Variants in MGAT4C observed in about 807,000 individuals in gnomAD.
MGAT4C encodes alpha-1,3-mannosyl-glycoprotein 4-beta-N-acetylglucosaminyltransferase C.
MGAT4C carries 19 observed loss-of-function variants against 40.1 expected under a neutral mutation model. That is an observed-to-expected ratio of 0.47 (90% CI 0.33 to 0.70). The LOEUF is 0.70. Among genes scored for constraint, MGAT4C ranks in the 30% least tolerant of loss-of-function variants. The pLI is 0.02. For missense variants in MGAT4C, 491 were observed against 563.2 expected, an observed-to-expected ratio of 0.87 and a Z score of 1.30; for synonymous variants, 181 against 187.1, an observed-to-expected ratio of 0.97 and a Z score of 0.27.
intron 4 of MGAT4C, among the ~76,000 whole-genome samples, chr12:86,269,025 TATA>T (rs1952871933): frequency 3.4e-5 from 2 of 59,690 alleles, no homozygotes; most frequent in African/African-American, 1.1e-4. Context: ...TATATATATA[TATA>T]TATATATATA....
intron 2 of MGAT4C, among the ~76,000 whole-genome samples, chr12:86,036,483 G>A (rs1891251297): frequency 6.7e-6 from 1 of 149,998 alleles, no homozygotes; most frequent in Non-Finnish European, 1.5e-5. Flanking sequence ...TCAATACCTA[G>A]TTTATTGGGA....
At chr12:86,653,552 A>G (rs910034309) in intron 2 of MGAT4C, among the ~76,000 whole-genome samples, 3 of 151,926 alleles carry the variant, frequency 2.0e-5, no homozygotes, top group Non-Finnish European at 4.4e-5. Context: ...ACCTGCTAAA[A>G]TTTGGATGTG....
At chr12:86,057,929 T>C (rs982887034) in intron 1 of MGAT4C, among the ~76,000 whole-genome samples, 1 of 152,176 alleles carries the variant, frequency 6.6e-6, no homozygotes. Context: ...GGCAGTTGTT[T>C]CTGGATGTCT....
chr12:86,752,952 A>G (rs548558972), intron 1 of MGAT4C, among the ~76,000 whole-genome samples: 1 of 152,296 alleles, frequency 6.6e-6, no homozygotes, highest in Non-Finnish European at 1.5e-5. Context: ...TAAAACTTCT[A>G]GAGGAAACAT....
intron 2 of MGAT4C, among the ~76,000 whole-genome samples, chr12:86,475,949 G>A (rs1051858338): frequency 2.6e-5 from 4 of 151,740 alleles, no homozygotes; most frequent in Admixed American, 6.6e-5. Flanking sequence ...TATTTAAGGT[G>A]TACAACATGA....
chr12:86,346,577 G>A (rs974480161), intron 3 of MGAT4C, among the ~76,000 whole-genome samples: 1 of 152,108 alleles, frequency 6.6e-6, no homozygotes. Context: ...CTATTCACCT[G>A]TTGAAATACA....
At chr12:86,229,888 C>T (rs1951244752) in intron 1 of MGAT4C, among the ~76,000 whole-genome samples, 1 of 151,982 alleles carries the variant, frequency 6.6e-6, no homozygotes. Context: ...GATGTCCTTT[C>T]AGTATGAGCA....
At chr12:86,164,289 A>T (rs191186817) in intron 1 of MGAT4C, among the ~76,000 whole-genome samples, 1 of 152,196 alleles carries the variant, frequency 6.6e-6, no homozygotes, top group Admixed American at 6.5e-5. Flanking sequence ...GGTAAAGGTA[A>T]GTTGCCAGCA....
chr12:86,106,824 AGGACCATGCTT>A (rs1565990602), intron 1 of MGAT4C, among the ~76,000 whole-genome samples: 1 of 152,314 alleles, frequency 6.6e-6, no homozygotes, highest in South Asian at 2.1e-4. Context: ...TCTGCTAAGT[AGGACCATGCTT>A]GATGTTGTAT....
intron 2 of MGAT4C, among the ~76,000 whole-genome samples, chr12:86,532,806 T>C (rs2136374716): frequency 6.6e-6 from 1 of 152,146 alleles, no homozygotes; most frequent in Non-Finnish European, 1.5e-5. Flanking sequence ...TTTTTAGTCA[T>C]GATATTTTTA....
chr12:86,219,827 C>T (rs1241123219), intron 1 of MGAT4C, among the ~76,000 whole-genome samples: 1 of 152,144 alleles, frequency 6.6e-6, no homozygotes, highest in African/African-American at 2.4e-5. Context: ...GGCCTATCCC[C>T]CTAATCATAA....
intron 1 of MGAT4C, among the ~76,000 whole-genome samples, chr12:86,211,193 G>GTCCAATATGCATATAT (rs1950444059): frequency 6.7e-6 from 1 of 148,622 alleles, no homozygotes; most frequent in East Asian, 2.1e-4. Context: ...ATACCATGCA[G>GTCCAATATGCATATAT]TCCAATATGC....
intron 2 of MGAT4C, among the ~76,000 whole-genome samples, chr12:85,997,615 G>T (rs1468036129): frequency 1.3e-5 from 2 of 152,136 alleles, no homozygotes; most frequent in Admixed American, 1.3e-4. Flanking sequence ...AAACAAAGGG[G>T]TACAGGCCCC....
At chr12:86,774,396 C>T (rs200912346) in intron 1 of MGAT4C, among the ~76,000 whole-genome samples, 2 of 92,194 alleles carry the variant, frequency 2.2e-5, no homozygotes, top group African/African-American at 4.2e-5. Flanking sequence ...CTCTCTCTCT[C>T]CTCTCTCTCT....
In MGAT4C at chr12:85,979,788, C is replaced by T; in HGVS notation, c.938G>A (p.Gly313Asp). Residue 313 changes from glycine (G) to aspartate (D), a missense_variant, in exon 5 of 5, where the codon GGC (glycine) becomes GAC (aspartate). Coordinates refer to ENST00000611864, the MANE Select transcript of MGAT4C (RefSeq NM_001351288.2). ...RFKPSLFQHM[G>D]YYSSYKGTEN... ...CGTCCCTTTGTATGATGAATAATAG[C>T]CCATGTGCTGAAAGAGAGATGGTTT... The T allele has an allele frequency of 5.6e-6, 9 of 1,613,626 alleles. No individual in the cohort carries two copies. Among genetic ancestry groups the T allele is most frequent in the Non-Finnish European group, 7.6e-6 (9 of 1,179,806 alleles).
intron 2 of MGAT4C, among the ~76,000 whole-genome samples, chr12:86,695,017 A>G (rs1171625839): frequency 1.3e-5 from 2 of 152,210 alleles, no homozygotes; most frequent in South Asian, 2.1e-4. Context: ...CAAACTACCT[A>G]TCTGACAAAG....
intron 1 of MGAT4C, among the ~76,000 whole-genome samples, chr12:86,822,739 C>T (rs183687263): frequency 4.0e-5 from 6 of 150,946 alleles, no homozygotes; most frequent in Admixed American, 1.3e-4. Flanking sequence ...AATTCAATAC[C>T]GCACACTCAG....
At chr12:86,692,261 C>G (rs114784449) in intron 2 of MGAT4C, among the ~76,000 whole-genome samples, 1 of 152,024 alleles carries the variant, frequency 6.6e-6, no homozygotes, top group East Asian at 1.9e-4. Flanking sequence ...ATACATTAAG[C>G]CTATGATGCA....
At chr12:86,801,958 T>C (rs897021290) in intron 1 of MGAT4C, among the ~76,000 whole-genome samples, 1 of 151,878 alleles carries the variant, frequency 6.6e-6, no homozygotes, top group African/African-American at 2.4e-5. Flanking sequence ...ACTGGCCCAT[T>C]GTTTTCTACC....
Sources: gnomAD v4.1 joint callset for allele counts (sites outside exome capture counted in the v4.1 genomes callset) on GRCh38, gnomAD v4.1.1 for gene constraint, MANE v1.5 for transcripts, NCBI Gene and HGNC (gene_info 2026-07-23, HGNC 2026-07-21) for gene names.